NSMAF: variants seen among roughly 807,000 people sequenced by gnomAD.
NSMAF encodes the protein neutral sphingomyelinase activation associated factor.
A neutral mutation model predicts 134.9 loss-of-function variants in NSMAF; 90 were observed. The observed-to-expected ratio is 0.67, with a 90% CI of 0.56 to 0.79. The LOEUF is 0.79. Ranked by LOEUF, NSMAF falls within the 30% of genes least tolerant of loss-of-function variation. The probability of loss-of-function intolerance (pLI) is 0.00; values close to 1 mark genes in which losing one functional copy is unlikely to be tolerated. For synonymous variants in NSMAF, 358 were observed against 389.6 expected (o/e 0.92, Z 0.96); for missense variants, 1,010 against 1,119.0 (o/e 0.90, Z 1.39).
intron 1 of NSMAF, among the ~76,000 whole-genome samples, chr8:58,655,471 C>T (rs1807684466): frequency 6.7e-6 from 1 of 148,184 alleles, no homozygotes; most frequent in Non-Finnish European, 1.5e-5. Context: ...ATGACCATAG[C>T]TCACTGTAAC....
Position 58,605,996 on chromosome 8 carries a change from C to G in NSMAF, c.799G>C (p.Asp267His). 6.3e-7 allele frequency: 1 copy of G among 1,596,188 alleles called. No individual in the cohort carries two copies. ...VFCTEDDLCS[D>H]IYLKFYEPQD... ...GGTTCATAGAACTTTAGGTAGATGT[C>G]GGAACACAGATCATCTTCTGTGCAA... Residue 267 changes from aspartate (D) to histidine (H), a missense_variant, in exon 12 of 31, where the codon GAC (aspartate) becomes CAC (histidine). Transcript: ENST00000038176.
rs959205532 is a variant in NSMAF, at chr8:58,598,034, T to C, written c.1586-132A>G. The C allele has an allele frequency of 1.1e-5, 7 of 662,006 alleles. No individual in the cohort carries two copies. In the African/African-American group the frequency reaches 1.3e-4, roughly 12 times the overall value. The allele number at this position is 662,006 out of a possible 1,614,324, so 41.0% of individuals were successfully genotyped here. A position where few individuals can be genotyped will look rare whatever the true frequency, so the allele number is the denominator to read the frequency against. ...TTGCTATTCACTTTGCAAAACAGAC[T>C]AATATCCAACTGCAGTAAATACCAA... On this transcript the variant is annotated intron_variant, in intron 19 of 30. Coordinates refer to ENST00000038176, the MANE Select transcript of NSMAF (RefSeq NM_003580.4).
chr8:58,653,682 A>C (rs1277957088), intron 1 of NSMAF, among the ~76,000 whole-genome samples: 1 of 152,190 alleles, frequency 6.6e-6, no homozygotes, highest in Non-Finnish European at 1.5e-5. Context: ...GATAATTTTC[A>C]AAATCTATGA....
intron 22 of NSMAF, 170 bp from the exon 23 acceptor site, chr8:58,594,460 C>A (rs1029320194): frequency 1.1e-5 from 7 of 618,584 alleles, no homozygotes; most frequent in South Asian, 1.0e-4. Flanking sequence ...CTGCTTGGCA[C>A]CTTCTAACGT....
intron 2 of NSMAF, chr8:58,639,963 C>A: frequency 5.1e-6 from 2 of 394,176 alleles, no homozygotes; most frequent in East Asian, 7.8e-5. Flanking sequence ...AAGAATGGAA[C>A]TTACGAAAAT....
chr8:58,653,093 C>T (rs16923635), intron 1 of NSMAF, among the ~76,000 whole-genome samples: 1 of 152,028 alleles, frequency 6.6e-6, no homozygotes, highest in Admixed American at 6.5e-5. Flanking sequence ...GGGGGCACAG[C>T]AGTTAAGTGT....
chr8:58,623,489 A>G (rs550057164), intron 7 of NSMAF, 65 bp from the exon 8 acceptor site: 1 of 1,486,600 alleles, frequency 6.7e-7, no homozygotes, highest in East Asian at 2.3e-5. Flanking sequence ...ATTTCTTTAG[A>G]AGCAATGAGA....
At chr8:58,611,903 T>G (rs1004574252) in intron 9 of NSMAF, among the ~76,000 whole-genome samples, 8 of 152,176 alleles carry the variant, frequency 5.3e-5, no homozygotes, top group African/African-American at 1.9e-4. Context: ...AAGATATCAG[T>G]TCATAGATGC....
intron 1 of NSMAF, among the ~76,000 whole-genome samples, chr8:58,659,024 T>C (rs1807788569): frequency 6.6e-6 from 1 of 152,110 alleles, no homozygotes; most frequent in Non-Finnish European, 1.5e-5. Context: ...GGCATGGAGC[T>C]AGTCCTGTGT....
chr8:58,635,995 G>T (rs746438731), intron 2 of NSMAF, among the ~76,000 whole-genome samples: 2 of 152,124 alleles, frequency 1.3e-5, no homozygotes, highest in Non-Finnish European at 2.9e-5. Flanking sequence ...AGATGAGAAG[G>T]CCCATTCTAC....
chr8:58,591,780 C>T (rs1806028549), intron 23 of NSMAF, among the ~76,000 whole-genome samples: 1 of 152,030 alleles, frequency 6.6e-6, no homozygotes, highest in South Asian at 2.1e-4. Flanking sequence ...AGTAACTGTG[C>T]CCGGCCTCAA....
chr8:58,637,254 C>T lies in NSMAF; in HGVS notation c.150-1708G>A, dbSNP rs184753919. 3,370 of 450,922 alleles carry T rather than the reference C, an allele frequency of 7.5e-3. 29 individuals carry two copies. Among genetic ancestry groups the T allele is most frequent in the Non-Finnish European group, 9.2e-3 (2,056 of 223,902 alleles). 27.9% of individuals were successfully genotyped at this position (450,922 alleles called of 1,614,324 possible). The stretch of plus-strand genomic sequence containing the variant: ...CTTACTTGCCAGTATGACAGGATGT[C>T]CCAGGTTCATCTCACAGATTTCCTG... On this transcript the variant is annotated intron_variant, in intron 2 of 30. Coordinates refer to ENST00000038176, the MANE Select transcript of NSMAF (RefSeq NM_003580.4).
Position 58,605,951 on chromosome 8 carries a change from A to G in NSMAF, c.844T>C (p.Tyr282His). The change falls in exon 12 of 31, where the codon TAT becomes CAT. Residue 282 changes from tyrosine to histidine, a missense_variant. Physicochemically the swap from Tyr to His is moderately conservative, Grantham distance 83 (BLOSUM62 2). Coordinates refer to ENST00000038176, the MANE Select transcript of NSMAF (RefSeq NM_003580.4). ...CCTAGGTATGTGGCAATGTAAAAAT[A>G]GAGATCATCTCTATCTTGAGGTTCA... The part of the protein sequence containing the change: ...FYEPQDRDDL[Y>H]FYIATYLEHH... 1 of 1,590,128 alleles carries G rather than the reference A, an allele frequency of 6.3e-7. No homozygotes were observed. Among genetic ancestry groups the G allele is most frequent in the Non-Finnish European group, 8.5e-7 (1 of 1,171,898 alleles).
intron 6 of NSMAF, among the ~76,000 whole-genome samples, chr8:58,624,929 G>A (rs1806884119): frequency 6.6e-6 from 1 of 152,174 alleles, no homozygotes; most frequent in African/African-American, 2.4e-5. Context: ...ATGTTCTGAG[G>A]TTGGGTACAT....
Position 58,601,344 on chromosome 8 carries a change from TGGTGCTAGA to T in NSMAF, c.1217-5_1220del, listed in dbSNP as rs776934823. 13 of 1,613,792 alleles carry T rather than the reference TGGTGCTAGA, an allele frequency of 8.1e-6. No individual in the cohort carries two copies. The highest frequency in any genetic ancestry group is 1.1e-5 in the Non-Finnish European group (13 of 1,179,884). ...CATTCTGCAGGCACAGCATATACTC[TGGTGCTAGA>T]GGGGAAAAAGTCAGAGGTAAGTCAG... On this transcript the variant is annotated splice_acceptor_variant and splice_polypyrimidine_tract_variant and coding_sequence_variant and intron_variant, in exon 16 of 31. Transcript: ENST00000038176. LOFTEE classifies it high-confidence loss of function.
chr8:58,605,461 C>T lies in NSMAF; in HGVS notation c.868+466G>A, dbSNP rs150358444. 6.2e-4 allele frequency among the ~76,000 whole-genome samples: 94 copies of T among 152,048 alleles called. No homozygotes were observed. The Middle Eastern group carries it at 0.017, about 28-fold the overall frequency. On this transcript the variant is annotated intron_variant, in intron 12 of 30. Coordinates refer to ENST00000038176, the MANE Select transcript of NSMAF (RefSeq NM_003580.4). ...TTCAAAATCCATTCAATTTGGAGGACGTTAAAATATAAGAGCATTTAAATA... is the reference window on the plus strand; with the variant it reads ...TTCAAAATCCATTCAATTTGGAGGATGTTAAAATATAAGAGCATTTAAATA...
intron 6 of NSMAF, among the ~76,000 whole-genome samples, chr8:58,626,078 C>A: frequency 7.0e-6 from 1 of 143,824 alleles, no homozygotes; most frequent in African/African-American, 2.5e-5. Flanking sequence ...CCCCCAAAGT[C>A]CATTATATAA....
intron 18 of NSMAF, 104 bp downstream of exon 18, chr8:58,599,646 A>T (rs565620069): frequency 3.9e-6 from 5 of 1,293,540 alleles, no homozygotes; most frequent in South Asian, 2.8e-5. Context: ...TTATTTAGAG[A>T]ATTATATTGT....
Position 58,601,544 on chromosome 8 carries a change from C to CTGA in NSMAF, c.1126-10_1126-9insTCA. ...ATTTCCTGGTAGCGTGTCTAGAATA[C>CTGA]AGAAAAAAAAAAAAAATAGAGCTAA... On this transcript the variant is annotated splice_polypyrimidine_tract_variant and intron_variant, in intron 14 of 30. Transcript: ENST00000038176. 1 of 911,232 alleles carries CTGA rather than the reference C, an allele frequency of 1.1e-6. No homozygotes were observed. Among genetic ancestry groups the CTGA allele is most frequent in the Non-Finnish European group, 1.4e-6 (1 of 713,318 alleles). 56.4% of individuals were successfully genotyped at this position (911,232 alleles called of 1,614,324 possible). A position where few individuals can be genotyped will look rare whatever the true frequency, so the allele number is the denominator to read the frequency against.
Sources: allele counts gnomAD v4.1 joint callset (sites outside exome capture counted in the v4.1 genomes callset), GRCh38; gene constraint gnomAD v4.1.1; transcripts MANE v1.5; gene names NCBI Gene and HGNC (gene_info 2026-07-23, HGNC 2026-07-21).